OGDH: variants seen among roughly 807,000 people sequenced by gnomAD.
The protein encoded by OGDH is 2-oxoglutarate dehydrogenase complex component E1.
A neutral mutation model predicts 116.6 loss-of-function variants in OGDH; 38 were observed. The ratio of observed to expected loss-of-function variants is 0.33; its 90% confidence interval spans 0.25 to 0.43. OGDH has a LOEUF of 0.43. OGDH is among the 20% of genes least tolerant of loss of function. OGDH has a pLI of 1.00. For missense variants in OGDH, 825 were observed against 1,357.2 expected, an observed-to-expected ratio of 0.61 and a Z score of 6.16; for synonymous variants, 488 against 533.3, an observed-to-expected ratio of 0.92 and a Z score of 1.17.
In OGDH at chr7:44,625,950, G is replaced by A. The variant is rs985845078; in HGVS notation, c.222+1385G>A. 5.9e-5 allele frequency among the ~76,000 whole-genome samples: 9 copies of A among 152,226 alleles called. No individual in the cohort carries two copies. The South Asian group carries it at 1.7e-3, about 28-fold the overall frequency. ...ATGGTGCCACTGCACTCCATCCTGG[G>A]CAACAGAGGGAGACCCTGTCTCTAA... On this transcript the variant is annotated intron_variant, in intron 2 of 22. Transcript: ENST00000222673.
intron 4 of OGDH, among the ~76,000 whole-genome samples, chr7:44,658,014 A>G (rs564797022): frequency 6.6e-6 from 1 of 152,294 alleles, no homozygotes; most frequent in South Asian, 2.1e-4. Context: ...TTTTCCATCG[A>G]TACCACAGTG....
In OGDH at chr7:44,701,575, C is replaced by G; in HGVS notation, c.2592C>G (p.Arg864=). 1 of 1,614,160 alleles carries G rather than the reference C, an allele frequency of 6.2e-7. No individual in the cohort carries two copies. Among genetic ancestry groups the G allele is most frequent in the South Asian group, 1.1e-5 (1 of 91,084 alleles). ...LIIFTPKSLL[R]HPEARSSFDE... ...TCTTCACCCCCAAATCCCTGTTGCG[C>G]CACCCCGAGGCCAGATCCAGCTTTG... Residue 864 remains arginine (R), a synonymous_variant, in exon 20 of 23, where the codon CGC becomes CGG. Transcript: ENST00000222673.
chr7:44,628,547 G>C (rs1424813624), intron 2 of OGDH, among the ~76,000 whole-genome samples: 1 of 151,380 alleles, frequency 6.6e-6, no homozygotes, highest in African/African-American at 2.4e-5. Context: ...GAGTCCAGGA[G>C]TTTGGGACCA....
At position 44,672,687 on chromosome 7, in the gene OGDH, G is replaced by C. The variant is rs187826697; in HGVS notation, c.634-1100G>C. On this transcript the variant is annotated intron_variant, in intron 5 of 22. Transcript: ENST00000222673. Reference sequence around the variant, plus strand: ...AGATGGAGTCTCACTCTATCGCCCAGGCTGGAGTGCAGTGGCATGATCTTG... The same window carrying C: ...AGATGGAGTCTCACTCTATCGCCCACGCTGGAGTGCAGTGGCATGATCTTG... Among the ~76,000 whole-genome samples, 1,361 of 145,552 alleles carry C rather than the reference G, an allele frequency of 9.4e-3. 8 individuals carry two copies. Among genetic ancestry groups the C allele is most frequent in the Non-Finnish European group, 0.013 (895 of 67,358 alleles).
In OGDH at chr7:44,681,808, A is replaced by G; in HGVS notation, c.1295A>G (p.Tyr432Cys). ...TTCCACCTCAGCGACCTGCCATCCT[A>G]CACAACTCATGGCACCGTGCACGTG... ...ETFHLSDLPS[Y>C]TTHGTVHVVV... The change falls in exon 10 of 23, where the codon TAC becomes TGC. Residue 432 changes from tyrosine to cysteine, a missense_variant. Physicochemically the swap from Tyr to Cys is radical, Grantham distance 194 (BLOSUM62 -2). This residue lies in a region of OGDH where 146 missense variants were observed against 317.3 expected (regional missense o/e 0.46). Coordinates refer to ENST00000222673, the MANE Select transcript of OGDH (RefSeq NM_002541.4). 7 of 1,614,086 alleles carry G rather than the reference A, an allele frequency of 4.3e-6. No homozygotes were observed. Among genetic ancestry groups the G allele is most frequent in the East Asian group, 2.2e-5 (1 of 44,876 alleles).
chr7:44,699,601 AG>A (rs1364963005), intron 18 of OGDH, among the ~76,000 whole-genome samples: 4 of 152,162 alleles, frequency 2.6e-5, no homozygotes, highest in Admixed American at 2.0e-4. Flanking sequence ...CCAGGGTATG[AG>A]GCTGGCCGAA....
intron 1 of OGDH, among the ~76,000 whole-genome samples, chr7:44,619,700 G>A (rs984831752): frequency 6.6e-6 from 1 of 152,064 alleles, no homozygotes; most frequent in Non-Finnish European, 1.5e-5. Context: ...GTTGCTCATA[G>A]CAACAATAAT....
chr7:44,628,005 T>C (rs1223913118), intron 2 of OGDH, among the ~76,000 whole-genome samples: 1 of 152,162 alleles, frequency 6.6e-6, no homozygotes, highest in Non-Finnish European at 1.5e-5. Flanking sequence ...CTGTGTTTTA[T>C]AGTGTTTCCA....
intron 2 of OGDH, among the ~76,000 whole-genome samples, chr7:44,643,873 G>A (rs1786056173): frequency 6.6e-6 from 1 of 152,206 alleles, no homozygotes; most frequent in African/African-American, 2.4e-5. Context: ...GCTGGAAAAG[G>A]TATTGCAGAA....
At chr7:44,675,017 C>G (rs1039074366) in intron 7 of OGDH, among the ~76,000 whole-genome samples, 161 bp from the exon 8 acceptor site, 1 of 151,408 alleles carries the variant, frequency 6.6e-6, no homozygotes, top group African/African-American at 2.4e-5. Context: ...CGGAGAGGCT[C>G]GGTTCCCACA....
intron 1 of OGDH, among the ~76,000 whole-genome samples, chr7:44,623,655 G>A (rs115005187): frequency 0.024 from 1,905 of 78,176 alleles, 56 homozygotes; most frequent in African/African-American, 0.054. Flanking sequence ...TTTTTGTTTT[G>A]TTTTGTTTTG....
At chr7:44,641,961 A>T (rs1299321251) in intron 2 of OGDH, among the ~76,000 whole-genome samples, 2 of 152,194 alleles carry the variant, frequency 1.3e-5, no homozygotes, top group East Asian at 3.8e-4. Flanking sequence ...CTCTCCTAAG[A>T]GTAAGTCAGT....
chr7:44,690,887 C>T (rs554955875), intron 10 of OGDH, among the ~76,000 whole-genome samples: 2 of 152,292 alleles, frequency 1.3e-5, no homozygotes, highest in Admixed American at 1.3e-4. Flanking sequence ...TCAATACCAG[C>T]TGAGATTGTT....
At chr7:44,619,307 CG>C (rs1190962326) in intron 1 of OGDH, among the ~76,000 whole-genome samples, 6 of 152,132 alleles carry the variant, frequency 3.9e-5, no homozygotes, top group Non-Finnish European at 7.4e-5. Context: ...TGGGGGCTTG[CG>C]ATTGACATCG....
chr7:44,667,588 A>G (rs566429209), intron 5 of OGDH, among the ~76,000 whole-genome samples: 2 of 152,226 alleles, frequency 1.3e-5, no homozygotes, highest in African/African-American at 2.4e-5. Flanking sequence ...TTTCATTCAC[A>G]CACATTATAG....
Position 44,694,299 on chromosome 7 carries a change from C to A in OGDH, c.1516-125C>A. ...ATCCTAATTCTAGAGAAGGTAAACTCCAGGGCAGGCATGAGGAATGAAGAA... is the reference window on the plus strand; with the variant it reads ...ATCCTAATTCTAGAGAAGGTAAACTACAGGGCAGGCATGAGGAATGAAGAA... On this transcript the variant is annotated intron_variant, in intron 11 of 22. Coordinates refer to ENST00000222673, the MANE Select transcript of OGDH (RefSeq NM_002541.4). The surrounding 1 kb of genome is among the most constrained non-coding windows in gnomAD (Gnocchi z 4.2). 8.3e-7 allele frequency: 1 copy of A among 1,204,306 alleles called. No individual in the cohort carries two copies. The highest frequency in any genetic ancestry group is 1.2e-6 in the Non-Finnish European group (1 of 867,308). The allele number at this position is 1,204,306 out of a possible 1,614,324, so 74.6% of individuals were successfully genotyped here.
intron 5 of OGDH, among the ~76,000 whole-genome samples, chr7:44,671,937 C>T (rs1441960294): frequency 1.3e-5 from 2 of 151,692 alleles, no homozygotes; most frequent in Admixed American, 6.6e-5. Context: ...GGTGTGGTGG[C>T]GGGCGCCTGT....
At chr7:44,693,803 C>A in intron 10 of OGDH, 22 bp from the exon 11 acceptor site, 1 of 1,551,318 alleles carries the variant, frequency 6.4e-7, no homozygotes, top group Non-Finnish European at 8.8e-7. Context: ...TGCCCTCTTG[C>A]TAGGCTACAT....
chr7:44,615,326 T>A (rs1220423010), intron 1 of OGDH, among the ~76,000 whole-genome samples: 1 of 152,196 alleles, frequency 6.6e-6, no homozygotes, highest in Non-Finnish European at 1.5e-5. Flanking sequence ...TATTGCTGTA[T>A]GACTGTAAGA....
Sources: gnomAD v4.1 joint callset for allele counts (sites outside exome capture counted in the v4.1 genomes callset) on GRCh38, gnomAD v4.1.1 for gene constraint, gnomAD v4.1.1 regional missense constraint, Gnocchi (gnomAD v3.1) non-coding constraint, MANE v1.5 for transcripts, NCBI Gene and HGNC (gene_info 2026-07-23, HGNC 2026-07-21) for gene names.